TNRC6C: variants seen among roughly 807,000 people sequenced by gnomAD.
TNRC6C encodes trinucleotide repeat-containing gene 6C protein.
A neutral mutation model predicts 153.7 loss-of-function variants in TNRC6C; 20 were observed. The ratio of observed to expected loss-of-function variants is 0.13; its 90% CI spans 0.09 to 0.19. TNRC6C has a LOEUF of 0.19. TNRC6C is among the 10% of genes least tolerant of loss of function. The pLI is 1.00. For synonymous variants in TNRC6C, 811 were observed against 841.4 expected (o/e 0.96, Z 0.63); for missense variants, 1,987 against 2,172.0 (o/e 0.91, Z 1.69).
intron 1 of TNRC6C, chr17:78,011,951 T>C (rs1200834694): frequency 2.0e-5 from 3 of 152,232 alleles, no homozygotes; most frequent in African/African-American, 7.2e-5. Flanking sequence ...TGGTGAAGCG[T>C]CTTTTAAAGT....
chr17:77,979,825 G>GA (rs970731033), intron 1 of TNRC6C, among the ~76,000 whole-genome samples: 1 of 152,086 alleles, frequency 6.6e-6, no homozygotes, highest in Non-Finnish European at 1.5e-5. Context: ...GCCAAAGGAG[G>GA]AAAAAGATAC....
chr17:78,107,279 T>G (rs1166010684), exon 20 of TNRC6C: 2 of 151,868 alleles, frequency 1.3e-5, no homozygotes, highest in Middle Eastern at 3.2e-3. Flanking sequence ...TTGTTTTTTG[T>G]TTTTTTTACC....
At chr17:77,981,558 T>A (rs942108664) in intron 1 of TNRC6C, among the ~76,000 whole-genome samples, 1 of 152,238 alleles carries the variant, frequency 6.6e-6, no homozygotes, top group Non-Finnish European at 1.5e-5. Context: ...ATTACAAAGA[T>A]AAATATAGTT....
chr17:78,077,580 C>G, intron 9 of TNRC6C: 1 of 551,142 alleles, frequency 1.8e-6, no homozygotes, highest in Non-Finnish European at 3.2e-6. Flanking sequence ...TCTCAGCACC[C>G]TTGGTGCTAA....
intron 6 of TNRC6C, among the ~76,000 whole-genome samples, chr17:78,072,179 C>G (rs2073009780): frequency 6.6e-6 from 1 of 152,212 alleles, no homozygotes; most frequent in Admixed American, 6.5e-5. Context: ...GTTGGTGGCC[C>G]AGGCTCTGCC....
intron 17 of TNRC6C, among the ~76,000 whole-genome samples, chr17:78,100,381 G>T (rs1410469785): frequency 6.6e-6 from 1 of 152,200 alleles, no homozygotes; most frequent in Non-Finnish European, 1.5e-5. Flanking sequence ...TGAAATCTAG[G>T]TGGAGGTTCC....
chr17:77,969,606 G>T (rs942210728), intron 1 of TNRC6C, among the ~76,000 whole-genome samples: 4 of 151,960 alleles, frequency 2.6e-5, no homozygotes, highest in Admixed American at 1.3e-4. Flanking sequence ...TTGATCTGTG[G>T]CATCTGACCT....
intron 1 of TNRC6C, among the ~76,000 whole-genome samples, chr17:77,960,713 CA>C (rs893531093): frequency 9.9e-5 from 15 of 152,270 alleles, no homozygotes; most frequent in African/African-American, 3.6e-4. Flanking sequence ...TACATTGTTC[CA>C]GAACAGCAGA....
At chr17:78,035,771 G>A (rs2072166296) in intron 2 of TNRC6C, among the ~76,000 whole-genome samples, 1 of 152,180 alleles carries the variant, frequency 6.6e-6, no homozygotes, top group African/African-American at 2.4e-5. Flanking sequence ...TATTATAGTT[G>A]TTTAATGAAT....
chr17:78,056,638 T>A (rs1157163119), intron 3 of TNRC6C, among the ~76,000 whole-genome samples: 1 of 152,020 alleles, frequency 6.6e-6, no homozygotes. Flanking sequence ...TAATTTTTTT[T>A]GTATTTTTAG....
At position 78,104,987 on chromosome 17, in the gene TNRC6C, G is replaced by A. The variant is rs559244810; in HGVS notation, c.*142G>A. On this transcript the variant is annotated 3_prime_UTR_variant, in exon 20 of 20. Transcript: ENST00000301624. This position sits in a 1 kb window ranked among gnomAD's most constrained non-coding sequence, Gnocchi z 6.2. Reference sequence around the variant, plus strand: ...GGACTGAAGACGAACCTTGGCCGCAGTCCTTGCGAACTGTTCGCAAAACAG... The same window carrying A: ...GGACTGAAGACGAACCTTGGCCGCAATCCTTGCGAACTGTTCGCAAAACAG... 2.5e-4 allele frequency: 291 copies of A among 1,177,354 alleles called. No individual in the cohort carries two copies. The East Asian group carries it at 4.3e-3, about 17-fold the overall frequency. 72.9% of individuals were successfully genotyped at this position (1,177,354 alleles called of 1,614,324 possible).
At position 78,064,189 on chromosome 17, in the gene TNRC6C, G is replaced by A. The variant is rs150348224; in HGVS notation, c.2396-533G>A. Among the ~76,000 whole-genome samples, 647 of 152,224 alleles carry A rather than the reference G, an allele frequency of 4.3e-3. 3 individuals are homozygous for A. The highest frequency in any genetic ancestry group is 8.0e-3 in the African/African-American group (332 of 41,530). On this transcript the variant is annotated intron_variant, in intron 3 of 19. Transcript: ENST00000301624. The stretch of plus-strand genomic sequence containing the variant: ...CGTAAAACTTAACCACTTGGTTCCC[G>A]GGTTCAAGAGATTCTCCTGCCTCAG...
intron 17 of TNRC6C, among the ~76,000 whole-genome samples, chr17:78,100,155 C>T (rs1272279540): frequency 6.6e-6 from 1 of 152,200 alleles, no homozygotes; most frequent in Admixed American, 6.5e-5. Context: ...CTTTTCCAGG[C>T]ACACGGTGCA....
intron 3 of TNRC6C, among the ~76,000 whole-genome samples, chr17:78,063,269 A>T (rs977980819): frequency 2.7e-5 from 4 of 147,898 alleles, no homozygotes; most frequent in Non-Finnish European, 6.0e-5. Context: ...ATATATAAAT[A>T]ATATATATAT....
chr17:78,050,738 G>C, exon 3 of TNRC6C: 1 of 1,590,766 alleles, frequency 6.3e-7, no homozygotes, highest in East Asian at 2.2e-5. Flanking sequence ...CATGCTTGGA[G>C]TGGGGCCGCA....
intron 1 of TNRC6C, among the ~76,000 whole-genome samples, chr17:77,975,998 G>A (rs2070992413): frequency 6.6e-6 from 1 of 152,182 alleles, no homozygotes; most frequent in South Asian, 2.1e-4. Context: ...CCACTTATTA[G>A]CTAGGTGACT....
chr17:77,973,210 C>T (rs566348162), intron 1 of TNRC6C, among the ~76,000 whole-genome samples: 3 of 152,286 alleles, frequency 2.0e-5, no homozygotes, highest in East Asian at 3.9e-4. Context: ...CTGGGCAATA[C>T]ACCATATTAA....
rs572642884 is a variant in TNRC6C, at chr17:77,992,423, G to A, written c.-37-11747G>A. The stretch of plus-strand genomic sequence containing the variant: ...TGAGGCAGGAGAATGGCGTGAACCC[G>A]GGAGGCGGAGCTTGCAGTGAGTCGA... On this transcript the variant is annotated intron_variant, in intron 1 of 22. Transcript: ENST00000636222. Among the ~76,000 whole-genome samples, 24 of 58,004 alleles carry A rather than the reference G, an allele frequency of 4.1e-4. 4 individuals carry two copies. The highest frequency in any genetic ancestry group is 6.3e-4 in the Non-Finnish European group (21 of 33,246). 38.1% of individuals were successfully genotyped at this position (58,004 alleles called of 152,430 possible). A position where few individuals can be genotyped will look rare whatever the true frequency, so the allele number is the denominator to read the frequency against.
intron 9 of TNRC6C, among the ~76,000 whole-genome samples, chr17:78,078,731 G>A (rs890907982): frequency 1.3e-5 from 2 of 152,152 alleles, no homozygotes; most frequent in Admixed American, 6.5e-5. Flanking sequence ...TTGGGAGGCT[G>A]AGGTGAGTGG....
Sources: gnomAD v4.1 joint callset for allele counts (sites outside exome capture counted in the v4.1 genomes callset) on GRCh38, gnomAD v4.1.1 for gene constraint, Gnocchi (gnomAD v3.1) non-coding constraint, MANE v1.5 for transcripts, NCBI Gene and HGNC (gene_info 2026-07-23, HGNC 2026-07-21) for gene names.